Variants in PDGFRL observed in about 807,000 individuals in gnomAD.
The protein encoded by PDGFRL is platelet derived growth factor receptor like.
In PDGFRL, 46 loss-of-function variants were observed where a neutral mutation model predicts 37.2. The ratio of observed to expected loss-of-function variants is 1.24; its 90% CI spans 0.98 to 1.58. The LOEUF (loss-of-function observed/expected upper bound fraction) is 1.58, where lower values mean the gene tolerates loss of function less well. PDGFRL is among the 40% of genes most tolerant of loss of function. The probability of loss-of-function intolerance (pLI) is 0.00; values close to 1 mark genes in which losing one functional copy is unlikely to be tolerated. For missense variants in PDGFRL, 692 were observed against 467.6 expected, an observed-to-expected ratio of 1.48 and a Z score of -4.43; for synonymous variants, 251 against 184.3, an observed-to-expected ratio of 1.36 and a Z score of -2.93.
chr8:17,578,341 T>C (rs1231224047), intron 1 of PDGFRL, among the ~76,000 whole-genome samples: 4 of 152,176 alleles, frequency 2.6e-5, no homozygotes, highest in South Asian at 2.1e-4. Context: ...CTTTCTTTCC[T>C]AGGAAACTAC....
intron 2 of PDGFRL, among the ~76,000 whole-genome samples, chr8:17,604,959 A>G (rs2588129): frequency 0.89 from 134,822 of 151,952 alleles, 60,719 homozygotes; most frequent in Non-Finnish European, 0.97. Flanking sequence ...ACGAAAAAAG[A>G]TACACAAATT....
chr8:17,624,030 T>A (rs1804686688), intron 3 of PDGFRL, among the ~76,000 whole-genome samples: 1 of 152,158 alleles, frequency 6.6e-6, no homozygotes, highest in Non-Finnish European at 1.5e-5. Flanking sequence ...TGTAACACAT[T>A]TGACCTAATG....
rs1172991772 is a variant in PDGFRL, at chr8:17,586,110, C to T, written c.56-3358C>T. On this transcript the variant is annotated intron_variant, in intron 1 of 5. Transcript: ENST00000251630. Reference sequence around the variant, plus strand: ...GGGACTACAGGCGTGTGCCGCCATGCCTGGCTACTTTTTTGTATTTTTTGG... The same window carrying T: ...GGGACTACAGGCGTGTGCCGCCATGTCTGGCTACTTTTTTGTATTTTTTGG... 3.3e-5 allele frequency among the ~76,000 whole-genome samples: 5 copies of T among 151,968 alleles called. No homozygotes were observed. In the South Asian group the frequency reaches 1.0e-3, roughly 32 times the overall value.
rs116624240 is a variant in PDGFRL at position 17,591,311 on chromosome 8, G to C, written c.353+1546G>C. On this transcript the variant is annotated intron_variant, in intron 2 of 5. Coordinates refer to ENST00000251630, the MANE Select transcript of PDGFRL (RefSeq NM_001372073.1). ...AGGCTAGGCTTCTAGACCAGGAAGA[G>C]TGGTTACCATGGTGACAGCGGCAAG... Among the ~76,000 whole-genome samples the C allele has an allele frequency of 6.9e-3, 1,057 of 152,320 alleles. 10 individuals carry two copies. Among genetic ancestry groups the C allele is most frequent in the African/African-American group, 0.024 (1,016 of 41,552 alleles).
At chr8:17,576,720 A>G (rs1803587438), upstream of PDGFRL, 1 of 984,862 alleles carries the variant, frequency 1.0e-6, no homozygotes, top group Non-Finnish European at 1.2e-6. Flanking sequence ...CTCTGGCCAG[A>G]CACAGAGGAG....
chr8:17,627,685 A>G (rs1160622198), intron 3 of PDGFRL, among the ~76,000 whole-genome samples: 1 of 151,506 alleles, frequency 6.6e-6, no homozygotes, highest in Non-Finnish European at 1.5e-5. Flanking sequence ...CATGTTGCCC[A>G]GGCTGGTCTT....
intron 2 of PDGFRL, among the ~76,000 whole-genome samples, chr8:17,598,451 A>T (rs948985881): frequency 2.0e-5 from 3 of 152,226 alleles, no homozygotes; most frequent in Non-Finnish European, 2.9e-5. Flanking sequence ...TGTCTGACAC[A>T]TACCAGAGCT....
chr8:17,589,420 C>T (rs746426477), intron 1 of PDGFRL, 48 bp from the exon 2 acceptor site: 1 of 1,419,138 alleles, frequency 7.0e-7, no homozygotes, highest in Non-Finnish European at 9.6e-7. Flanking sequence ...TCAAATATTC[C>T]AAAAATGTCA....
intron 1 of PDGFRL, among the ~76,000 whole-genome samples, chr8:17,580,915 G>A (rs1803692221): frequency 6.6e-6 from 1 of 151,542 alleles, no homozygotes; most frequent in South Asian, 2.1e-4. Context: ...GTTGCCATGT[G>A]ACCATCTTCT....
At chr8:17,635,121 C>G (rs920596163) in intron 5 of PDGFRL, among the ~76,000 whole-genome samples, 20 of 152,028 alleles carry the variant, frequency 1.3e-4, no homozygotes, top group Non-Finnish European at 1.5e-5. Context: ...AGAGTGTTCT[C>G]TTTGTTTTTA....
At chr8:17,618,517 G>A (rs1250644067) in intron 2 of PDGFRL, among the ~76,000 whole-genome samples, 1 of 152,186 alleles carries the variant, frequency 6.6e-6, no homozygotes, top group Non-Finnish European at 1.5e-5. Context: ...GGCTTTGTAT[G>A]TATTTTCTTA....
In PDGFRL at chr8:17,634,202, C is replaced by G; in HGVS notation, c.928C>G (p.Pro310Ala). The G allele has an allele frequency of 2.5e-6, 4 of 1,612,302 alleles. No homozygotes were observed. Among genetic ancestry groups the G allele is most frequent in the Non-Finnish European group, 3.4e-6 (4 of 1,178,768 alleles). ...GGAGGTGGAGTTCACCTGGATCTTCCCAGGGCAGAAGGTAAGTGTTGTACC... is the reference window on the plus strand; with the variant it reads ...GGAGGTGGAGTTCACCTGGATCTTCGCAGGGCAGAAGGTAAGTGTTGTACC... Reference protein sequence around the residue: ...DVEVEFTWIFPGQKDERPVTI... With the variant: ...DVEVEFTWIFAGQKDERPVTI... The change falls in exon 5 of 6, where the codon CCA becomes GCA. Residue 310 changes from proline (P) to alanine (A), a missense_variant. Coordinates refer to ENST00000251630, the MANE Select transcript of PDGFRL (RefSeq NM_001372073.1).
intron 2 of PDGFRL, among the ~76,000 whole-genome samples, chr8:17,619,090 C>A (rs923255082): frequency 6.6e-6 from 1 of 152,178 alleles, no homozygotes; most frequent in African/African-American, 2.4e-5. Context: ...TTTCCCTATG[C>A]TAAATGTAAA....
At chr8:17,603,085 T>C (rs2517178) in intron 2 of PDGFRL, among the ~76,000 whole-genome samples, 120,038 of 152,136 alleles carry the variant, frequency 0.79, 47,892 homozygotes, top group East Asian at 0.98. Flanking sequence ...TGGGTTCAGG[T>C]GACTCTCATG....
At chr8:17,609,634 TAA>T (rs3040922) in intron 2 of PDGFRL, among the ~76,000 whole-genome samples, 8,527 of 41,736 alleles carry the variant, frequency 0.2, 349 homozygotes, top group Non-Finnish European at 0.24. Flanking sequence ...TGAGACTCTG[TAA>T]AAAAAAAAAA....
At chr8:17,591,419 G>A (rs562769982) in intron 2 of PDGFRL, among the ~76,000 whole-genome samples, 5 of 152,272 alleles carry the variant, frequency 3.3e-5, no homozygotes, top group Admixed American at 1.3e-4. Flanking sequence ...GGGTGTGTAC[G>A]GGGTTACAGT....
intron 1 of PDGFRL, among the ~76,000 whole-genome samples, chr8:17,579,260 T>C (rs1398957100): frequency 6.6e-6 from 1 of 152,130 alleles, no homozygotes; most frequent in Non-Finnish European, 1.5e-5. Flanking sequence ...ATGGATACAA[T>C]AGTGAACACA....
intron 2 of PDGFRL, among the ~76,000 whole-genome samples, chr8:17,604,004 G>A (rs151181607): frequency 1.3e-5 from 2 of 152,284 alleles, no homozygotes; most frequent in Non-Finnish European, 2.9e-5. Flanking sequence ...AGGCGAGGGA[G>A]TGGGAAGGAG....
In PDGFRL at chr8:17,581,863, G is replaced by A. The variant is rs544812616; in HGVS notation, c.55+4556G>A. Among the ~76,000 whole-genome samples the A allele has an allele frequency of 2.5e-3, 380 of 152,210 alleles. 19 individuals are homozygous for A. In the South Asian group the frequency reaches 0.075, roughly 30 times the overall value. ...CCTACGTATTCCTCTATAGCAATGC[G>A]AAATGAACTAACACAGAAAATTGGT... On this transcript the variant is annotated intron_variant, in intron 1 of 5. Transcript: ENST00000251630.
Sources: gnomAD v4.1 joint callset for allele counts (sites outside exome capture counted in the v4.1 genomes callset) on GRCh38, gnomAD v4.1.1 for gene constraint, MANE v1.5 for transcripts, NCBI Gene and HGNC (gene_info 2026-07-23, HGNC 2026-07-21) for gene names.